The following CSMD1 variants were observed in gnomAD, a reference collection of about 807,000 sequenced individuals.
CSMD1 encodes the protein CUB and Sushi multiple domains 1, also known as CUB and sushi domain-containing protein 1.
Under a neutral mutation model 417.5 loss-of-function variants are expected in CSMD1, and 213 were observed. The ratio of observed to expected loss-of-function variants is 0.51; its 90% CI spans 0.46 to 0.57. The LOEUF (loss-of-function observed/expected upper bound fraction) is 0.57, where lower values mean the gene tolerates loss of function less well. Among genes scored for constraint, CSMD1 ranks in the 20% least tolerant of loss-of-function variants. The pLI is 0.00. For missense variants in CSMD1, 6,923 were observed against 4,529.7 expected (o/e 1.53, Z -15.17); for synonymous variants, 2,862 against 1,736.8 (o/e 1.65, Z -16.11).
intron 46 of CSMD1, 95 bp from the exon 47 acceptor site, chr8:3,097,132 G>A (rs1184076711): frequency 2.9e-6 from 3 of 1,033,312 alleles, no homozygotes; most frequent in Admixed American, 3.2e-5. Context: ...GTCAATGAAA[G>A]GAAAAAGCAA....
intron 3 of CSMD1, among the ~76,000 whole-genome samples, chr8:4,245,545 A>G (rs977573498): frequency 6.6e-6 from 1 of 152,196 alleles, no homozygotes; most frequent in Non-Finnish European, 1.5e-5. Context: ...CTGGGATGCT[A>G]AACATGAGGT....
intron 5 of CSMD1, among the ~76,000 whole-genome samples, chr8:3,940,212 C>T (rs578188983): frequency 4.6e-5 from 7 of 151,442 alleles, no homozygotes; most frequent in Admixed American, 4.6e-4. Context: ...AAAAGTTCTA[C>T]CACCAAAAAA....
intron 5 of CSMD1, among the ~76,000 whole-genome samples, chr8:3,818,819 T>G (rs1801547133): frequency 6.6e-6 from 1 of 152,204 alleles, no homozygotes; most frequent in Non-Finnish European, 1.5e-5. Context: ...TTTGAGTCGC[T>G]GTTTAACTAC....
intron 11 of CSMD1, among the ~76,000 whole-genome samples, chr8:3,491,349 T>G (rs1818369415): frequency 6.6e-6 from 1 of 152,152 alleles, no homozygotes; most frequent in African/African-American, 2.4e-5. Context: ...GCAATGATAT[T>G]ATTAGACCCA....
intron 5 of CSMD1, among the ~76,000 whole-genome samples, chr8:3,772,772 C>T (rs1026014122): frequency 6.6e-6 from 1 of 150,948 alleles, no homozygotes; most frequent in Non-Finnish European, 1.5e-5. Context: ...GAACGAATGT[C>T]TGGTCTATAA....
intron 1 of CSMD1, among the ~76,000 whole-genome samples, chr8:4,747,068 C>T (rs1189394712): frequency 6.6e-6 from 1 of 152,162 alleles, no homozygotes; most frequent in African/African-American, 2.4e-5. Flanking sequence ...TCACCATCCT[C>T]TGGGGCTAGA....
At chr8:3,689,670 T>C (rs1267330195) in intron 7 of CSMD1, among the ~76,000 whole-genome samples, 1 of 152,168 alleles carries the variant, frequency 6.6e-6, no homozygotes, top group East Asian at 1.9e-4. Flanking sequence ...ACACGAGTCA[T>C]CTCCTTTAAT....
rs201860309 is a variant in CSMD1 at position 4,974,886 on chromosome 8, C to CA, written c.85+19445dup. 8.0e-3 allele frequency among the ~76,000 whole-genome samples: 1,211 copies of CA among 152,096 alleles called. 60 individuals are homozygous for CA. The highest frequency in any genetic ancestry group is 0.073 in the Admixed American group (1,111 of 15,262). ...TGTTGCAACTGTATCAACTTTCACA[C>CA]AAAAAAACTATGATGGTTTATGTTG... On this transcript the variant is annotated intron_variant, in intron 1 of 69. Coordinates refer to ENST00000635120, the MANE Select transcript of CSMD1 (RefSeq NM_033225.6).
intron 8 of CSMD1, among the ~76,000 whole-genome samples, chr8:3,614,670 A>G (rs1216401469): frequency 6.6e-6 from 1 of 152,226 alleles, no homozygotes; most frequent in African/African-American, 2.4e-5. Flanking sequence ...AAAATTCACC[A>G]AAGAAGTTTC....
chr8:4,816,740 G>A (rs775583148), intron 1 of CSMD1, among the ~76,000 whole-genome samples: 8 of 152,216 alleles, frequency 5.3e-5, no homozygotes, highest in Non-Finnish European at 1.2e-4. Flanking sequence ...TCAACTAGGA[G>A]GCTGTTGCAG....
At chr8:3,815,490 C>G (rs1283900058) in intron 5 of CSMD1, among the ~76,000 whole-genome samples, 2 of 151,602 alleles carry the variant, frequency 1.3e-5, no homozygotes, top group Non-Finnish European at 2.9e-5. Flanking sequence ...AAGTTAAACT[C>G]AAAAATATGT....
rs531988383 is a variant in CSMD1 at position 4,196,403 on chromosome 8, A to G, written c.416-164304T>C. ...AAATTCAATACAGGCCTCACTAGAC[A>G]AAAATCAAGGCGTTTTCAGGCTACA... On this transcript the variant is annotated intron_variant, in intron 3 of 69. Transcript: ENST00000635120. 2.6e-4 allele frequency among the ~76,000 whole-genome samples: 39 copies of G among 152,272 alleles called. No individual in the cohort carries two copies. The South Asian group carries it at 7.9e-3, about 31-fold the overall frequency.
chr8:4,850,821 C>T (rs1037087825), intron 1 of CSMD1, among the ~76,000 whole-genome samples: 2 of 152,104 alleles, frequency 1.3e-5, no homozygotes, highest in Non-Finnish European at 2.9e-5. Flanking sequence ...AAAATTCAAC[C>T]AGTGGCATCC....
intron 4 of CSMD1, among the ~76,000 whole-genome samples, chr8:3,998,661 A>G (rs1403593): frequency 0.53 from 80,306 of 151,910 alleles, 21,395 homozygotes; most frequent in Middle Eastern, 0.66. Context: ...GAAAACAGTT[A>G]CATGAAACTT....
intron 20 of CSMD1, among the ~76,000 whole-genome samples, chr8:3,359,796 T>C (rs1585050262): frequency 1.3e-5 from 2 of 152,296 alleles, no homozygotes; most frequent in East Asian, 3.9e-4. Context: ...GGTGATGGGA[T>C]TCTTAAGTAT....
chr8:3,996,172 C>T (rs938573936), intron 5 of CSMD1, among the ~76,000 whole-genome samples: 8 of 146,228 alleles, frequency 5.5e-5, no homozygotes, highest in South Asian at 2.2e-4. Flanking sequence ...ACTAACAAAT[C>T]GGCCTCACTT....
intron 47 of CSMD1, among the ~76,000 whole-genome samples, chr8:3,093,109 G>A (rs1815061419): frequency 1.3e-5 from 2 of 152,228 alleles, no homozygotes; most frequent in East Asian, 1.9e-4. Context: ...GAAGTCCTAT[G>A]AAGTCCTAAC....
chr8:4,929,118 A>G (rs189675489), intron 1 of CSMD1, among the ~76,000 whole-genome samples: 194 of 152,234 alleles, frequency 1.3e-3, no homozygotes, highest in African/African-American at 4.4e-3. Context: ...ATTCAGTCCC[A>G]CTGGTGTCTT....
chr8:4,946,157 A>G (rs955531217), intron 1 of CSMD1, among the ~76,000 whole-genome samples: 2 of 152,168 alleles, frequency 1.3e-5, no homozygotes, highest in Admixed American at 1.3e-4. Flanking sequence ...AGCAGTTTCA[A>G]TTAAAAACTT....
Sources: allele counts gnomAD v4.1 joint callset (sites outside exome capture counted in the v4.1 genomes callset), GRCh38; gene constraint gnomAD v4.1.1; transcripts MANE v1.5; gene names NCBI Gene and HGNC (gene_info 2026-07-23, HGNC 2026-07-21).